Variants in INPP5F observed in about 807,000 individuals in gnomAD.
INPP5F encodes phosphatidylinositide 4-phosphatase SAC2.
In INPP5F, 97 loss-of-function variants were observed where a neutral mutation model predicts 137.2. That is an observed-to-expected ratio of 0.71 (90% CI 0.60 to 0.84). INPP5F has a LOEUF of 0.84. INPP5F is among the 40% of genes least tolerant of loss of function. The probability of loss-of-function intolerance (pLI) is 0.00; values close to 1 mark genes in which losing one functional copy is unlikely to be tolerated. For synonymous variants in INPP5F, 504 were observed against 476.9 expected (o/e 1.06, Z -0.74); for missense variants, 1,271 against 1,371.9 (o/e 0.93, Z 1.16).
chr10:119,791,698 A>G (rs1564832785), intron 4 of INPP5F, 53 bp downstream of exon 4: 8 of 1,483,790 alleles, frequency 5.4e-6, no homozygotes, highest in Admixed American at 1.9e-5. Context: ...AGTTTTAAAT[A>G]GAGAGATAAT....
At chr10:119,774,582 C>T (rs1227250569) in intron 2 of INPP5F, among the ~76,000 whole-genome samples, 1 of 151,720 alleles carries the variant, frequency 6.6e-6, no homozygotes, top group Non-Finnish European at 1.5e-5. Context: ...AATCCCTCTG[C>T]CTTGGCCTCC....
chr10:119,806,594 A>G (rs1482142578), intron 12 of INPP5F, 114 bp downstream of exon 12: 1 of 995,926 alleles, frequency 1.0e-6, no homozygotes, highest in South Asian at 2.2e-5. Context: ...CAACATTTAC[A>G]ATATACAAAC....
At chr10:119,801,013 C>G (rs945065431) in intron 9 of INPP5F, among the ~76,000 whole-genome samples, 6 of 148,322 alleles carry the variant, frequency 4.0e-5, no homozygotes, top group African/African-American at 1.5e-4. Context: ...GCAACTAGAA[C>G]TGTAATAGAA....
At position 119,748,407 on chromosome 10, in the gene INPP5F, G is replaced by A. The variant is rs995760764; in HGVS notation, c.98-2669G>A. Among the ~76,000 whole-genome samples, 1 of 152,206 alleles carries A rather than the reference G, an allele frequency of 6.6e-6. No homozygotes were observed. The highest frequency in any genetic ancestry group is 1.5e-5 in the Non-Finnish European group (1 of 68,044). ...TTTCCTCCTTGTTGCCCACAACCTGGTGAGCAGGGGGCGTGTTTTGGTCCT... is the reference window on the plus strand; with the variant it reads ...TTTCCTCCTTGTTGCCCACAACCTGATGAGCAGGGGGCGTGTTTTGGTCCT... On this transcript the variant is annotated intron_variant, in intron 1 of 19. Coordinates refer to ENST00000650623, the MANE Select transcript of INPP5F (RefSeq NM_014937.4). This position sits in a 1 kb window ranked among gnomAD's most constrained non-coding sequence, Gnocchi z 4.7.
chr10:119,814,300 T>C (rs1036303353), intron 15 of INPP5F, among the ~76,000 whole-genome samples: 21 of 152,134 alleles, frequency 1.4e-4, no homozygotes, highest in African/African-American at 4.6e-4. Context: ...GGCAGGTGAA[T>C]TGCTTGAACC....
In INPP5F at chr10:119,827,839, T is replaced by C; in HGVS notation, c.*59T>C. On this transcript the variant is annotated 3_prime_UTR_variant, in exon 20 of 20. Coordinates refer to ENST00000650623, the MANE Select transcript of INPP5F (RefSeq NM_014937.4). Reference sequence around the variant, plus strand: ...TTTAAAAATATGAAATTTTCACCTCTTGGGGTATTTTAATTGTACTGTCTG... The same window carrying C: ...TTTAAAAATATGAAATTTTCACCTCCTGGGGTATTTTAATTGTACTGTCTG... 1 of 1,219,752 alleles carries C rather than the reference T, an allele frequency of 8.2e-7. No individual in the cohort carries two copies. Among genetic ancestry groups the C allele is most frequent in the East Asian group, 2.3e-5 (1 of 42,948 alleles). 75.6% of individuals were successfully genotyped at this position (1,219,752 alleles called of 1,614,324 possible).
intron 2 of INPP5F, among the ~76,000 whole-genome samples, chr10:119,755,895 C>T (rs527322645): frequency 7.2e-5 from 11 of 152,292 alleles, no homozygotes; most frequent in South Asian, 2.1e-4. Flanking sequence ...TGGTGGCTCA[C>T]GCCTGTAATC....
intron 6 of INPP5F, among the ~76,000 whole-genome samples, chr10:119,796,321 A>G (rs1322119733): frequency 6.6e-6 from 1 of 152,198 alleles, no homozygotes; most frequent in East Asian, 1.9e-4. Flanking sequence ...TCATAATCAT[A>G]AACATTTGTT....
At position 119,827,609 on chromosome 10, in the gene INPP5F, T is replaced by C. The variant is rs1408509838; in HGVS notation, c.3228T>C (p.Ser1076=). 1 of 1,614,172 alleles carries C rather than the reference T, an allele frequency of 6.2e-7. No homozygotes were observed. The change falls in exon 20 of 20, where the codon AGT becomes AGC. Residue 1076 remains serine (S), a synonymous_variant. Transcript: ENST00000650623. The stretch of plus-strand genomic sequence containing the variant: ...TCTCTCCCTTTGCCAAGATTCGAAG[T>C]TCCATGGTCCAGGTTGCTAGTATTA... ...RAVSPFAKIR[S]SMVQVASITQ...
At chr10:119,806,024 G>A (rs1241620127) in intron 11 of INPP5F, among the ~76,000 whole-genome samples, 1 of 152,160 alleles carries the variant, frequency 6.6e-6, no homozygotes, top group African/African-American at 2.4e-5. Context: ...TACTTTAAAG[G>A]AACAACGGTG....
At position 119,819,503 on chromosome 10, in the gene INPP5F, T is replaced by C. The variant is rs1205176692; in HGVS notation, c.1887-1343T>C. 1.9e-6 allele frequency: 3 copies of C among 1,605,996 alleles called. 1 individual carries two copies. The highest frequency in any genetic ancestry group is 2.2e-5 in the South Asian group (2 of 89,834). ...ATTAAAATGTGTCATGACGTAATTT[T>C]TATGGCTTGGCTCAAGCAACAATTT... On this transcript the variant is annotated intron_variant, in intron 15 of 19. Coordinates refer to ENST00000650623, the MANE Select transcript of INPP5F (RefSeq NM_014937.4).
At chr10:119,755,260 C>G (rs758773934) in intron 2 of INPP5F, among the ~76,000 whole-genome samples, 4 of 152,214 alleles carry the variant, frequency 2.6e-5, no homozygotes, top group Non-Finnish European at 5.9e-5. Context: ...TTCTGGAACA[C>G]AGAAGTCTGA....
At chr10:119,809,664 C>T (rs561230860) in intron 13 of INPP5F, among the ~76,000 whole-genome samples, 166 of 151,118 alleles carry the variant, frequency 1.1e-3, no homozygotes, top group Non-Finnish European at 9.0e-4. Context: ...TAGAGCTGCT[C>T]ATCTGCACAC....
chr10:119,801,208 A>G (rs1294342771), intron 9 of INPP5F, among the ~76,000 whole-genome samples: 2 of 152,208 alleles, frequency 1.3e-5, no homozygotes, highest in Non-Finnish European at 2.9e-5. Context: ...CACGTGTACT[A>G]ATGGGAAGAT....
At position 119,792,168 on chromosome 10, in the gene INPP5F, A is replaced by AT. The variant is rs768918635; in HGVS notation, c.631dup (p.Trp211LeufsTer3). 6.8e-6 allele frequency: 11 copies of AT among 1,613,976 alleles called. No individual in the cohort carries two copies. The highest frequency in any genetic ancestry group is 1.3e-5 in the African/African-American group (1 of 74,914). ...TGCACCTTTTCTAGGTTGATGACCG[A>AT]TTTTTTTGGAATAAATACATGATAC... is the stretch of plus-strand genomic sequence containing the variant. On this transcript the variant is annotated frameshift_variant, in exon 6 of 20. Transcript: ENST00000650623. LOFTEE classifies it high-confidence loss of function.
intron 2 of INPP5F, among the ~76,000 whole-genome samples, chr10:119,761,200 T>C (rs1848999045): frequency 6.6e-6 from 1 of 152,224 alleles, no homozygotes; most frequent in East Asian, 1.9e-4. Flanking sequence ...AATTGCACCA[T>C]TTGGTACTTT....
intron 1 of INPP5F, among the ~76,000 whole-genome samples, chr10:119,735,931 A>T (rs1270396944): frequency 6.6e-6 from 1 of 152,222 alleles, no homozygotes; most frequent in Non-Finnish European, 1.5e-5. Flanking sequence ...GGAGTTTGAG[A>T]CCTGCCTGGC....
Position 119,787,904 on chromosome 10 carries a change from TGTTAGA to T in INPP5F, c.316-3610_316-3605del. ...GAACTCCCTAGATCATGAGGGGAGCTGTTAGAGTGTCTGCACTGAGTTGGATAATCC... is the reference window on the plus strand; with the variant it reads ...GAACTCCCTAGATCATGAGGGGAGCTGTGTCTGCACTGAGTTGGATAATCC... On this transcript the variant is annotated intron_variant, in intron 3 of 19. Transcript: ENST00000650623. This position sits in a 1 kb window ranked among gnomAD's most constrained non-coding sequence, Gnocchi z 4.1. 6.6e-6 allele frequency among the ~76,000 whole-genome samples: 1 copy of T among 152,100 alleles called. No individual in the cohort carries two copies. The highest frequency in any genetic ancestry group is 1.9e-4 in the East Asian group (1 of 5,180).
chr10:119,808,585 TCTC>T (rs2134250465), intron 13 of INPP5F, among the ~76,000 whole-genome samples: 1 of 152,334 alleles, frequency 6.6e-6, no homozygotes, highest in South Asian at 2.1e-4. Flanking sequence ...CTTAGAATAT[TCTC>T]TGACACACGT....
Sources: allele counts gnomAD v4.1 joint callset (sites outside exome capture counted in the v4.1 genomes callset), GRCh38; gene constraint gnomAD v4.1.1; non-coding constraint Gnocchi (gnomAD v3.1); transcripts MANE v1.5; gene names NCBI Gene and HGNC (gene_info 2026-07-23, HGNC 2026-07-21).